The following ETV1 variants were observed in gnomAD, a reference collection of about 807,000 sequenced individuals.
ETV1 encodes ETS variant transcription factor 1.
ETV1 carries 27 observed loss-of-function variants against 62.3 expected under a neutral mutation model. The ratio of observed to expected loss-of-function variants is 0.43; its 90% CI spans 0.32 to 0.60. The LOEUF is 0.60. ETV1 is among the 20% of genes least tolerant of loss of function. ETV1 has a pLI of 0.06. For missense variants in ETV1, 605 were observed against 605.8 expected, an observed-to-expected ratio of 1.00 and a Z score of 0.01; for synonymous variants, 222 against 199.6, an observed-to-expected ratio of 1.11 and a Z score of -0.94.
chr7:13,917,288 GTATT>G (rs71548060), intron 9 of ETV1, among the ~76,000 whole-genome samples: 20,898 of 145,108 alleles, frequency 0.14, 1,667 homozygotes, highest in Middle Eastern at 0.25. Context: ...GTAACTTTGA[GTATT>G]TATTTATTTA....
At chr7:13,979,496 G>A (rs575334883) in intron 5 of ETV1, among the ~76,000 whole-genome samples, 4 of 151,604 alleles carry the variant, frequency 2.6e-5, no homozygotes, top group African/African-American at 9.6e-5. Context: ...AAATTACAAG[G>A]CGAAGGGTGT....
chr7:13,912,483 T>C (rs967207474), intron 9 of ETV1, among the ~76,000 whole-genome samples: 1 of 152,192 alleles, frequency 6.6e-6, no homozygotes, highest in Non-Finnish European at 1.5e-5. Context: ...ATCTATGATA[T>C]TTAAGATATA....
chr7:13,948,467 G>A (rs1201075587), intron 6 of ETV1, among the ~76,000 whole-genome samples: 1 of 152,122 alleles, frequency 6.6e-6, no homozygotes, highest in Non-Finnish European at 1.5e-5. Flanking sequence ...TGCGTTTTCT[G>A]GTCTGTTCAA....
At chr7:13,968,514 A>G (rs568857867) in intron 6 of ETV1, among the ~76,000 whole-genome samples, 39 of 151,234 alleles carry the variant, frequency 2.6e-4, no homozygotes, top group South Asian at 1.9e-3. Context: ...TATACAGAAT[A>G]TAAGTATTGG....
At chr7:13,942,835 T>A (rs1339742742) in intron 6 of ETV1, among the ~76,000 whole-genome samples, 1 of 152,134 alleles carries the variant, frequency 6.6e-6, no homozygotes, top group African/African-American at 2.4e-5. Flanking sequence ...TGATGTAAAG[T>A]TTATCATATT....
chr7:13,913,530 A>G (rs2128422998), intron 9 of ETV1, among the ~76,000 whole-genome samples: 1 of 152,338 alleles, frequency 6.6e-6, no homozygotes, highest in South Asian at 2.1e-4. Flanking sequence ...GTTATGTGCA[A>G]CATTTCGCAC....
intron 6 of ETV1, among the ~76,000 whole-genome samples, chr7:13,965,448 C>A (rs1477163994): frequency 6.6e-6 from 1 of 151,954 alleles, no homozygotes; most frequent in African/African-American, 2.4e-5. Flanking sequence ...TTGTTAGCCA[C>A]GCAGATTTTT....
chr7:13,939,285 C>T lies in ETV1; in HGVS notation c.236-39G>A, dbSNP rs1434216800. 3.2e-6 allele frequency: 5 copies of T among 1,576,670 alleles called. No homozygotes were observed. In the Admixed American group the frequency reaches 5.7e-5, roughly 18 times the overall value. ...CAAAAATATCCACAAAAATTAAATG[C>T]TGTAGGAATTATGGAGATTAATGTG... On this transcript the variant is annotated intron_variant, in intron 6 of 13. Transcript: ENST00000430479.
At position 13,939,364 on chromosome 7, in the gene ETV1, T is replaced by C. The variant is rs551723507; in HGVS notation, c.236-118A>G. The C allele has an allele frequency of 1.0e-3, 842 of 820,882 alleles. 2 individuals carry two copies. Among genetic ancestry groups the C allele is most frequent in the Non-Finnish European group, 1.4e-3 (775 of 558,728 alleles). 50.8% of individuals were successfully genotyped at this position (820,882 alleles called of 1,614,324 possible). ...CACATTTCATATTAACTTACATATG[T>C]AAGAAAAATCACGTTTGATGAATTT... On this transcript the variant is annotated intron_variant, in intron 6 of 13. Coordinates refer to ENST00000430479, the MANE Select transcript of ETV1 (RefSeq NM_004956.5).
chr7:13,900,661 T>C (rs1313224244), intron 13 of ETV1, 77 bp downstream of exon 13: 6 of 1,014,596 alleles, frequency 5.9e-6, no homozygotes, highest in Non-Finnish European at 8.8e-6. Flanking sequence ...AATGCAATGA[T>C]ATGTGGCGTT....
intron 11 of ETV1, 47 bp from the exon 12 acceptor site, chr7:13,906,646 A>G: frequency 1.5e-6 from 2 of 1,373,556 alleles, no homozygotes; most frequent in South Asian, 1.5e-5. Flanking sequence ...ATACTATGCT[A>G]TCTTACATAA....
intron 6 of ETV1, among the ~76,000 whole-genome samples, chr7:13,942,242 C>T (rs1224815430): frequency 6.6e-6 from 1 of 151,984 alleles, no homozygotes; most frequent in Admixed American, 6.6e-5. Context: ...CCAGGATGGT[C>T]TCGATCTCCT....
intron 6 of ETV1, among the ~76,000 whole-genome samples, chr7:13,941,823 A>C (rs1455831827): frequency 6.6e-6 from 1 of 151,476 alleles, no homozygotes; most frequent in Non-Finnish European, 1.5e-5. Context: ...AGATCGCGGC[A>C]GTGCACTCCA....
At chr7:13,927,995 C>T (rs1331143439) in intron 9 of ETV1, among the ~76,000 whole-genome samples, 1 of 152,076 alleles carries the variant, frequency 6.6e-6, no homozygotes, top group Admixed American at 6.5e-5. Flanking sequence ...AAGTAATCTG[C>T]AAGACATGGC....
intron 12 of ETV1, among the ~76,000 whole-genome samples, chr7:13,904,487 A>T (rs1469533834): frequency 6.6e-6 from 1 of 152,206 alleles, no homozygotes; most frequent in Non-Finnish European, 1.5e-5. Context: ...AAATCTGAAC[A>T]TCATAAAAGT....
intron 11 of ETV1, among the ~76,000 whole-genome samples, chr7:13,908,133 C>T (rs559136600): frequency 2.0e-5 from 3 of 151,996 alleles, no homozygotes; most frequent in East Asian, 1.9e-4. Context: ...AAAAAATAAC[C>T]CCCTCATTTT....
chr7:13,895,887 G>A lies in ETV1; in HGVS notation c.1413C>T (p.Tyr471=). 1 of 1,613,590 alleles carries A rather than the reference G, an allele frequency of 6.2e-7. No homozygotes were observed. The highest frequency in any genetic ancestry group is 8.5e-7 in the Non-Finnish European group (1 of 1,179,746). The change falls in exon 14 of 14, where the codon TAC becomes TAT. Residue 471 remains tyrosine (Y), a synonymous_variant. Coordinates refer to ENST00000430479, the MANE Select transcript of ETV1 (RefSeq NM_004956.5). ...PEGGCCNPHP[Y]NEGYVY ...TGTGTTAATACACGTAGCCTTCGTT[G>A]TAGGGGTGGGGGTTGCAGCAGCCCC... is the stretch of plus-strand genomic sequence containing the variant.
intron 9 of ETV1, among the ~76,000 whole-genome samples, chr7:13,912,644 C>T (rs73274815): frequency 1.4e-3 from 206 of 152,276 alleles, no homozygotes; most frequent in African/African-American, 4.6e-3. Flanking sequence ...TTGCCAATTG[C>T]TGTTACTATT....
At chr7:13,971,931 G>C (rs556938553) in intron 6 of ETV1, among the ~76,000 whole-genome samples, 7 of 152,136 alleles carry the variant, frequency 4.6e-5, no homozygotes, top group African/African-American at 1.7e-4. Context: ...GACAACAATA[G>C]TGAAACTCCG....
Sources: allele counts gnomAD v4.1 joint callset (sites outside exome capture counted in the v4.1 genomes callset), GRCh38; gene constraint gnomAD v4.1.1; transcripts MANE v1.5; gene names NCBI Gene and HGNC (gene_info 2026-07-23, HGNC 2026-07-21).